The following DIP2B variants were observed in gnomAD, a reference collection of about 807,000 sequenced individuals.
DIP2B encodes the protein DIP2 acetate--CoA ligase B (putative).
In DIP2B, 76 loss-of-function variants were observed where a neutral mutation model predicts 198.0. The ratio of observed to expected loss-of-function variants is 0.38; its 90% CI spans 0.32 to 0.46. The LOEUF is 0.46. Ranked by LOEUF, DIP2B falls within the 20% of genes least tolerant of loss-of-function variation. The probability of loss-of-function intolerance (pLI) is 0.99; values close to 1 mark genes in which losing one functional copy is unlikely to be tolerated. For missense variants in DIP2B, 1,559 were observed against 1,978.4 expected, an observed-to-expected ratio of 0.79 and a Z score of 4.02; for synonymous variants, 701 against 739.1, an observed-to-expected ratio of 0.95 and a Z score of 0.84.
chr12:50,531,847 C>G (rs915133731), intron 1 of DIP2B, among the ~76,000 whole-genome samples: 1 of 152,188 alleles, frequency 6.6e-6, no homozygotes, highest in Non-Finnish European at 1.5e-5. Flanking sequence ...TGCTTTATCT[C>G]CAGAGTAAAA....
intron 1 of DIP2B, among the ~76,000 whole-genome samples, chr12:50,616,310 G>A (rs1937699610): frequency 6.6e-6 from 1 of 152,158 alleles, no homozygotes. Flanking sequence ...TAATTTCCTT[G>A]AAAAACCGTT....
chr12:50,510,408 C>T lies in DIP2B; in HGVS notation c.100+5168C>T, dbSNP rs1023026052. Among the ~76,000 whole-genome samples, 15 of 152,180 alleles carry T rather than the reference C, an allele frequency of 9.9e-5. 1 individual carries two copies. The highest frequency in any genetic ancestry group is 7.9e-4 in the Admixed American group (12 of 15,278). ...AATAAGATAAATCATTAATATGTCA[C>T]GCTTAGCTCAGCCCTTGGTTACAAC... is the stretch of plus-strand genomic sequence containing the variant. On this transcript the variant is annotated intron_variant, in intron 1 of 37. Transcript: ENST00000301180.
intron 1 of DIP2B, among the ~76,000 whole-genome samples, chr12:50,589,562 G>C (rs1290616507): frequency 6.6e-6 from 1 of 152,228 alleles, no homozygotes; most frequent in Middle Eastern, 3.4e-3. Context: ...TGAGGAGAGG[G>C]AGCCAGTTTA....
chr12:50,742,631 C>CAA, intron 37 of DIP2B, among the ~76,000 whole-genome samples: 1 of 152,242 alleles, frequency 6.6e-6, no homozygotes, highest in South Asian at 2.1e-4. Flanking sequence ...AGTGGTGGCT[C>CAA]ACGCCTATAA....
intron 31 of DIP2B, 76 bp downstream of exon 31, chr12:50,731,613 C>A: frequency 6.8e-7 from 1 of 1,462,590 alleles, no homozygotes; most frequent in Non-Finnish European, 9.1e-7. Context: ...AGGGCCAGAG[C>A]AGGGGCTAAC....
intron 12 of DIP2B, among the ~76,000 whole-genome samples, chr12:50,690,522 A>G (rs547075419): frequency 6.6e-6 from 1 of 152,344 alleles, no homozygotes; most frequent in African/African-American, 2.4e-5. Flanking sequence ...TCCATCTCTT[A>G]AAAGAAAGAA....
chr12:50,565,183 G>A (rs1958552897), intron 1 of DIP2B, among the ~76,000 whole-genome samples: 1 of 151,918 alleles, frequency 6.6e-6, no homozygotes, highest in East Asian at 1.9e-4. Context: ...TTTTTGTGGA[G>A]ATGAGATCTC....
chr12:50,698,492 G>C, intron 18 of DIP2B, 25 bp downstream of exon 18: 1 of 1,593,056 alleles, frequency 6.3e-7, no homozygotes, highest in Non-Finnish European at 8.5e-7. Flanking sequence ...GCATCATTTG[G>C]TTTTTCATAA....
intron 17 of DIP2B, among the ~76,000 whole-genome samples, chr12:50,697,560 T>TTTTTTTG (rs869264552): frequency 7.5e-6 from 1 of 132,572 alleles, no homozygotes. Flanking sequence ...TTTTTTTTTT[T>TTTTTTTG]AGATAGGATC....
At chr12:50,511,819 G>A (rs1033217464) in intron 1 of DIP2B, among the ~76,000 whole-genome samples, 4 of 150,972 alleles carry the variant, frequency 2.6e-5, no homozygotes, top group Admixed American at 6.6e-5. Context: ...GTGGTGGCTT[G>A]CACCTGTAGT....
intron 23 of DIP2B, among the ~76,000 whole-genome samples, chr12:50,715,071 A>G (rs1939690160): frequency 1.3e-5 from 2 of 152,250 alleles, no homozygotes; most frequent in African/African-American, 4.8e-5. Flanking sequence ...GGTTGCAGAA[A>G]AACATAAATT....
intron 1 of DIP2B, among the ~76,000 whole-genome samples, chr12:50,524,023 G>A (rs774367705): frequency 6.6e-6 from 1 of 152,076 alleles, no homozygotes; most frequent in Admixed American, 6.6e-5. Context: ...TATTTAAAGG[G>A]CCCATCTCAG....
intron 2 of DIP2B, among the ~76,000 whole-genome samples, chr12:50,638,463 T>G (rs753324362): frequency 6.6e-6 from 1 of 152,244 alleles, no homozygotes; most frequent in African/African-American, 2.4e-5. Flanking sequence ...TCACTTGGCA[T>G]TACTTTATTT....
chr12:50,746,445 T>G lies in DIP2B; in HGVS notation c.*1606T>G, dbSNP rs1291149162. On this transcript the variant is annotated 3_prime_UTR_variant, in exon 38 of 38. Coordinates refer to ENST00000301180, the MANE Select transcript of DIP2B (RefSeq NM_173602.3). ...TTGTAATTACCCTGAAAATAAGGTTTATAATGCAAAGACCAGCTCCTTTGC... is the reference window on the plus strand; with the variant it reads ...TTGTAATTACCCTGAAAATAAGGTTGATAATGCAAAGACCAGCTCCTTTGC... The G allele has an allele frequency of 6.6e-6, 1 of 152,202 alleles. No individual in the cohort carries two copies. Among genetic ancestry groups the G allele is most frequent in the African/African-American group, 2.4e-5 (1 of 41,448 alleles). The allele number at this position is 152,202 out of a possible 1,614,324, so 9.4% of individuals were successfully genotyped here. A position where few individuals can be genotyped will look rare whatever the true frequency, so the allele number is the denominator to read the frequency against.
intron 1 of DIP2B, among the ~76,000 whole-genome samples, chr12:50,583,842 G>A (rs1454132679): frequency 6.6e-6 from 1 of 151,988 alleles, no homozygotes; most frequent in African/African-American, 2.4e-5. Flanking sequence ...CACAACTCTT[G>A]GAAGAGTTGT....
intron 3 of DIP2B, among the ~76,000 whole-genome samples, chr12:50,658,767 T>G (rs1194813403): frequency 2.0e-5 from 3 of 152,124 alleles, no homozygotes; most frequent in Non-Finnish European, 4.4e-5. Flanking sequence ...TGTTTCTCCT[T>G]GTATTAGTGG....
chr12:50,663,300 T>A (rs1938686042), intron 4 of DIP2B, among the ~76,000 whole-genome samples: 1 of 151,768 alleles, frequency 6.6e-6, no homozygotes, highest in Admixed American at 6.6e-5. Context: ...TGGCAGCGCC[T>A]GAAGTCCCAA....
At chr12:50,546,894 G>A (rs1053279323) in intron 1 of DIP2B, among the ~76,000 whole-genome samples, 3 of 152,126 alleles carry the variant, frequency 2.0e-5, no homozygotes, top group African/African-American at 4.8e-5. Flanking sequence ...CTGGTTTTAT[G>A]TATAAATAAT....
intron 32 of DIP2B, 106 bp downstream of exon 32, chr12:50,732,642 C>G (rs1269694604): frequency 7.1e-7 from 1 of 1,401,948 alleles, no homozygotes; most frequent in African/African-American, 1.4e-5. Flanking sequence ...CCCAGCCGCA[C>G]TTACTTGCTT....
Sources: allele counts gnomAD v4.1 joint callset (sites outside exome capture counted in the v4.1 genomes callset), GRCh38; gene constraint gnomAD v4.1.1; transcripts MANE v1.5; gene names NCBI Gene and HGNC (gene_info 2026-07-23, HGNC 2026-07-21).